ZNF675: variants seen among roughly 807,000 people sequenced by gnomAD.
The protein encoded by ZNF675 is zinc finger protein 675.
A neutral mutation model predicts 56.1 loss-of-function variants in ZNF675; 36 were observed. The ratio of observed to expected loss-of-function variants is 0.64; its 90% CI spans 0.49 to 0.85. The LOEUF is 0.85. Among genes scored for constraint, ZNF675 ranks in the 40% least tolerant of loss-of-function variants. The probability of loss-of-function intolerance (pLI) is 0.00; values close to 1 mark genes in which losing one functional copy is unlikely to be tolerated. For synonymous variants in ZNF675, 200 were observed against 218.9 expected (o/e 0.91, Z 0.76); for missense variants, 663 against 654.2 (o/e 1.01, Z -0.15).
At chr19:23,663,605 T>C (rs777079544) in intron 1 of ZNF675, among the ~76,000 whole-genome samples, 5 of 152,120 alleles carry the variant, frequency 3.3e-5, no homozygotes, top group Non-Finnish European at 7.4e-5. Flanking sequence ...GGCAGGAGAA[T>C]CACGAGAATG....
chr19:23,655,772 T>C (rs1312900852), intron 3 of ZNF675: 5 of 152,208 alleles, frequency 3.3e-5, no homozygotes, highest in Admixed American at 3.3e-4. Context: ...ACAATATTTT[T>C]CTTTGCACCT....
intron 3 of ZNF675, among the ~76,000 whole-genome samples, chr19:23,658,920 T>C (rs1398457803): frequency 2.5e-5 from 3 of 119,352 alleles, no homozygotes; most frequent in Non-Finnish European, 5.4e-5. Context: ...TAGATATAGA[T>C]CTATAGATAC....
At chr19:23,681,940 A>G (rs1356055370) in intron 1 of ZNF675, among the ~76,000 whole-genome samples, 1 of 151,818 alleles carries the variant, frequency 6.6e-6, no homozygotes, top group Non-Finnish European at 1.5e-5. Flanking sequence ...AAGAGCTATG[A>G]TTAATAAAAT....
intron 1 of ZNF675, among the ~76,000 whole-genome samples, chr19:23,685,064 GGTGCGA>G (rs1337186752): frequency 2.6e-5 from 4 of 151,908 alleles, no homozygotes; most frequent in Non-Finnish European, 4.4e-5. Context: ...GGAATCCAAT[GGTGCGA>G]TCTCGGCTCT....
intron 3 of ZNF675, among the ~76,000 whole-genome samples, chr19:23,660,905 TAGA>T (rs1190070170): frequency 2.0e-5 from 3 of 150,850 alleles, no homozygotes; most frequent in East Asian, 3.9e-4. Flanking sequence ...AAGAACAAAG[TAGA>T]AGAATATCAT....
rs1014456715 is a variant in ZNF675 at position 23,653,951 on chromosome 19, T to C, written c.982A>G (p.Thr328Ala). ...GKAFTQSSTL[T>A]THKRIHTGEK... ...CCAGTATGAATTCTCTTATGTGTAG[T>C]AAGGGTTGAGGATTGGGTAAAAGCC... Residue 328 changes from threonine (T) to alanine (A), a missense_variant, in exon 4 of 4, where the codon ACT (threonine) becomes GCT (alanine). Physicochemically the swap from Thr to Ala is moderately conservative, Grantham distance 58 (BLOSUM62 0). Around this residue, in one of 3 missense-constraint regions of ZNF675, gnomAD observed 617 missense variants for 590.5 expected, o/e 1.04. Coordinates refer to ENST00000359788, the MANE Select transcript of ZNF675 (RefSeq NM_138330.3). 2 of 1,613,424 alleles carry C rather than the reference T, an allele frequency of 1.2e-6. No homozygotes were observed. The highest frequency in any genetic ancestry group is 1.7e-6 in the Non-Finnish European group (2 of 1,179,564).
chr19:23,664,856 C>G (rs1376673310), intron 1 of ZNF675, among the ~76,000 whole-genome samples: 1 of 152,100 alleles, frequency 6.6e-6, no homozygotes, highest in Non-Finnish European at 1.5e-5. Context: ...AAGGCAGAGG[C>G]AGGAGAATCG....
intron 1 of ZNF675, among the ~76,000 whole-genome samples, chr19:23,683,145 A>G (rs184587347): frequency 7.4e-6 from 1 of 134,654 alleles, no homozygotes; most frequent in Non-Finnish European, 1.5e-5. Flanking sequence ...AGCTGAGATC[A>G]TGGCACTGCA....
At chr19:23,662,421 T>C (rs1968091136) in intron 2 of ZNF675, among the ~76,000 whole-genome samples, 1 of 152,226 alleles carries the variant, frequency 6.6e-6, no homozygotes, top group African/African-American at 2.4e-5. Flanking sequence ...CAAAACTTGG[T>C]GTTGGCAATT....
intron 1 of ZNF675, among the ~76,000 whole-genome samples, chr19:23,678,242 T>C (rs1221118994): frequency 6.7e-6 from 1 of 148,984 alleles, no homozygotes; most frequent in Non-Finnish European, 1.5e-5. Flanking sequence ...GTTATTTCTA[T>C]GAAACTATCA....
chr19:23,677,693 T>C (rs2364621), intron 1 of ZNF675, among the ~76,000 whole-genome samples: 124,067 of 140,082 alleles, frequency 0.89, 54,874 homozygotes, highest in Admixed American at 0.93. Flanking sequence ...GGCAACAGAG[T>C]GAGACTCCGT....
chr19:23,680,668 C>T (rs1452151863), intron 1 of ZNF675, among the ~76,000 whole-genome samples: 1 of 151,474 alleles, frequency 6.6e-6, no homozygotes, highest in Non-Finnish European at 1.5e-5. Flanking sequence ...ACAGGAGATT[C>T]GCCTGAACCT....
At chr19:23,662,246 C>G in intron 2 of ZNF675, 37 bp from the exon 3 acceptor site, 1 of 1,461,512 alleles carries the variant, frequency 6.8e-7, no homozygotes, top group South Asian at 1.2e-5. Flanking sequence ...TAATTTTGCT[C>G]ATATTCTCCA....
chr19:23,660,188 C>A (rs1250842737), intron 3 of ZNF675, among the ~76,000 whole-genome samples: 1 of 152,176 alleles, frequency 6.6e-6, no homozygotes, highest in African/African-American at 2.4e-5. Context: ...TGTGACAAAG[C>A]TACAACCCCC....
At chr19:23,666,914 CTGTT>C (rs201893044) in intron 1 of ZNF675, among the ~76,000 whole-genome samples, 1,733 of 152,146 alleles carry the variant, frequency 0.011, 36 homozygotes, top group African/African-American at 0.039. Context: ...GACCTTTCGT[CTGTT>C]TGTTTTTCTG....
At chr19:23,667,550 GACACA>G (rs1568292155) in intron 1 of ZNF675, among the ~76,000 whole-genome samples, 1 of 152,032 alleles carries the variant, frequency 6.6e-6, no homozygotes, top group Non-Finnish European at 1.5e-5. Context: ...ACAGAGTATC[GACACA>G]AAGGTTCTCC....
At chr19:23,656,966 ACT>A (rs1395677629) in intron 3 of ZNF675, 1 of 152,080 alleles carries the variant, frequency 6.6e-6, no homozygotes, top group East Asian at 1.9e-4. Context: ...ACAGGTTCTC[ACT>A]CTGTCATTCA....
chr19:23,657,110 A>T (rs1361514885), intron 3 of ZNF675: 1 of 152,092 alleles, frequency 6.6e-6, no homozygotes, highest in African/African-American at 2.4e-5. Flanking sequence ...ATTTTTAAAA[A>T]TTTTTTGTAG....
At chr19:23,680,718 C>A (rs1014723782) in intron 1 of ZNF675, among the ~76,000 whole-genome samples, 1 of 151,654 alleles carries the variant, frequency 6.6e-6, no homozygotes, top group African/African-American at 2.4e-5. Context: ...CGTGCCACTG[C>A]ACTCCAGCCT....
Sources: gnomAD v4.1 joint callset for allele counts (sites outside exome capture counted in the v4.1 genomes callset) on GRCh38, gnomAD v4.1.1 for gene constraint, gnomAD v4.1.1 regional missense constraint, MANE v1.5 for transcripts, NCBI Gene and HGNC (gene_info 2026-07-23, HGNC 2026-07-21) for gene names.